Variants in MYO5A observed in about 807,000 individuals in gnomAD.
The protein encoded by MYO5A is unconventional myosin-Va.
A neutral mutation model predicts 249.7 loss-of-function variants in MYO5A; 98 were observed. The observed-to-expected ratio is 0.39, with a 90% CI of 0.33 to 0.46. The LOEUF (loss-of-function observed/expected upper bound fraction) is 0.46. Ranked by LOEUF, MYO5A falls within the 20% of genes least tolerant of loss-of-function variation. MYO5A has a pLI of 0.98. For missense variants in MYO5A, 1,696 were observed against 2,308.8 expected (o/e 0.73, Z 5.44); for synonymous variants, 778 against 810.6 (o/e 0.96, Z 0.68).
intron 30 of MYO5A, among the ~76,000 whole-genome samples, chr15:52,345,658 A>T (rs564660660): frequency 5.3e-4 from 81 of 152,312 alleles, no homozygotes; most frequent in African/African-American, 1.7e-3. Context: ...AATGTAATTT[A>T]AAAAATATTT....
At chr15:52,463,050 CAG>C (rs2076284595) in intron 1 of MYO5A, among the ~76,000 whole-genome samples, 1 of 152,032 alleles carries the variant, frequency 6.6e-6, no homozygotes, top group African/African-American at 2.4e-5. Flanking sequence ...GGAATCATAA[CAG>C]AAAGATCAAA....
intron 1 of MYO5A, among the ~76,000 whole-genome samples, chr15:52,434,199 C>T (rs2075609790): frequency 1.3e-5 from 2 of 151,786 alleles, no homozygotes; most frequent in South Asian, 4.2e-4. Context: ...GGGGTTTCAC[C>T]ATGTTGGCCA....
At chr15:52,421,457 G>C (rs1272816691) in intron 4 of MYO5A, among the ~76,000 whole-genome samples, 1 of 152,180 alleles carries the variant, frequency 6.6e-6, no homozygotes, top group Non-Finnish European at 1.5e-5. Flanking sequence ...AAGTGTTTTT[G>C]TGTGTATCAC....
intron 14 of MYO5A, among the ~76,000 whole-genome samples, chr15:52,387,330 C>A (rs527707344): frequency 1.3e-5 from 2 of 152,346 alleles, no homozygotes; most frequent in Admixed American, 1.3e-4. Context: ...ACACCTGGAA[C>A]TGCACTCAGT....
At chr15:52,447,096 T>G (rs1724591) in intron 1 of MYO5A, among the ~76,000 whole-genome samples, 81,620 of 151,908 alleles carry the variant, frequency 0.54, 23,252 homozygotes, top group East Asian at 0.89. Flanking sequence ...AAGGGGTCAG[T>G]GGAGGAATGA....
chr15:52,337,735 G>T, intron 33 of MYO5A, 75 bp downstream of exon 33: 1 of 1,078,058 alleles, frequency 9.3e-7, no homozygotes, highest in Non-Finnish European at 1.3e-6. Context: ...GGGGCAGGCA[G>T]CAGTGTGCTC....
chr15:52,359,892 CT>C, intron 25 of MYO5A, 75 bp downstream of exon 25: 6 of 1,032,876 alleles, frequency 5.8e-6, no homozygotes, highest in Non-Finnish European at 5.9e-6. Context: ...TTGGAGTCTG[CT>C]TTGCAATGGA....
chr15:52,498,604 G>T (rs2077090227), intron 1 of MYO5A, among the ~76,000 whole-genome samples: 1 of 152,088 alleles, frequency 6.6e-6, no homozygotes, highest in South Asian at 2.1e-4. Flanking sequence ...TTTCTTTTGT[G>T]AATTGCCTTA....
At chr15:52,401,157 A>G (rs1353828074) in intron 9 of MYO5A, among the ~76,000 whole-genome samples, 1 of 142,796 alleles carries the variant, frequency 7.0e-6, no homozygotes, top group Non-Finnish European at 1.5e-5. Flanking sequence ...TGTAACCTCC[A>G]CCACCCAGGT....
At chr15:52,442,681 GAAGTTCCAA>G (rs1177246306) in intron 1 of MYO5A, among the ~76,000 whole-genome samples, 1 of 151,866 alleles carries the variant, frequency 6.6e-6, no homozygotes, top group East Asian at 1.9e-4. Flanking sequence ...TGATAGAGAT[GAAGTTCCAA>G]GTCTACTCTA....
chr15:52,332,368 A>C (rs767937816), intron 34 of MYO5A, among the ~76,000 whole-genome samples: 1 of 152,208 alleles, frequency 6.6e-6, no homozygotes, highest in Non-Finnish European at 1.5e-5. Context: ...ATACACCCCA[A>C]TTTCAGAGAT....
chr15:52,326,595 G>C lies in MYO5A; in HGVS notation c.4710+1257C>G, dbSNP rs1031365516. 3.3e-5 allele frequency among the ~76,000 whole-genome samples: 5 copies of C among 152,312 alleles called. No homozygotes were observed. In the East Asian group the frequency reaches 9.6e-4, roughly 29 times the overall value. ...AGTGTTTAATGGGTACTGTGTTTCA[G>C]TTGGGGAGAATGAAAAAGCTCTGGA... On this transcript the variant is annotated intron_variant, in intron 36 of 41. Coordinates refer to ENST00000399233, the MANE Select transcript of MYO5A (RefSeq NM_001382347.1).
intron 14 of MYO5A, among the ~76,000 whole-genome samples, chr15:52,385,563 C>CAT (rs915846121): frequency 1.1e-4 from 17 of 151,460 alleles, no homozygotes; most frequent in African/African-American, 4.1e-4. Context: ...TTTATAATTC[C>CAT]ATATATATAT....
At chr15:52,375,235 C>T (rs1291171629) in intron 20 of MYO5A, 69 bp downstream of exon 20, 3 of 1,513,086 alleles carry the variant, frequency 2.0e-6, no homozygotes, top group Non-Finnish European at 2.8e-6. Context: ...CCCTGTGGTA[C>T]TCTGTATAGA....
intron 39 of MYO5A, among the ~76,000 whole-genome samples, chr15:52,317,941 C>T (rs980016085): frequency 6.6e-6 from 1 of 152,158 alleles, no homozygotes; most frequent in Non-Finnish European, 1.5e-5. Context: ...CATAATATTG[C>T]GACAGGTGGC....
At chr15:52,513,336 C>T (rs1566872410) in intron 1 of MYO5A, among the ~76,000 whole-genome samples, 1 of 150,156 alleles carries the variant, frequency 6.7e-6, no homozygotes, top group African/African-American at 2.4e-5. Context: ...GAGGCTGAGG[C>T]AGGAGAATAG....
intron 1 of MYO5A, among the ~76,000 whole-genome samples, chr15:52,469,782 A>G (rs987284214): frequency 4.6e-5 from 7 of 152,210 alleles, no homozygotes; most frequent in Middle Eastern, 3.4e-3. Flanking sequence ...TCTAATGTCA[A>G]TTTGCTTCCT....
At chr15:52,492,275 C>T (rs1045527655) in intron 1 of MYO5A, among the ~76,000 whole-genome samples, 1 of 152,136 alleles carries the variant, frequency 6.6e-6, no homozygotes, top group Non-Finnish European at 1.5e-5. Flanking sequence ...AGCAAAAAGA[C>T]ACGGAGCAAA....
At chr15:52,385,379 A>T (rs2141141289) in intron 14 of MYO5A, among the ~76,000 whole-genome samples, 1 of 152,292 alleles carries the variant, frequency 6.6e-6, no homozygotes, top group Middle Eastern at 3.4e-3. Context: ...CCCCTTATTA[A>T]TCAGCTATAC....
Sources: allele counts gnomAD v4.1 joint callset (sites outside exome capture counted in the v4.1 genomes callset), GRCh38; gene constraint gnomAD v4.1.1; transcripts MANE v1.5; gene names NCBI Gene and HGNC (gene_info 2026-07-23, HGNC 2026-07-21).